Variants in WAPL observed in about 807,000 individuals in gnomAD.
WAPL encodes wings apart-like protein homolog.
Under a neutral mutation model 121.0 loss-of-function variants are expected in WAPL, and 5 were observed. The ratio of observed to expected loss-of-function variants is 0.04; its 90% CI spans 0.02 to 0.09. The LOEUF is 0.09. WAPL is among the 10% of genes least tolerant of loss of function. The pLI is 1.00. For synonymous variants in WAPL, 480 were observed against 481.5 expected, an observed-to-expected ratio of 1.00 and a Z score of 0.04; for missense variants, 999 against 1,410.8, an observed-to-expected ratio of 0.71 and a Z score of 4.68.
chr10:86,482,752 A>G (rs2132204316), intron 4 of WAPL, among the ~76,000 whole-genome samples: 1 of 152,322 alleles, frequency 6.6e-6, no homozygotes, highest in South Asian at 2.1e-4. Flanking sequence ...ACCATTTGGG[A>G]AAAAGTAGGG....
intron 4 of WAPL, among the ~76,000 whole-genome samples, chr10:86,483,794 C>CTTTTTT (rs35725128): frequency 2.9e-5 from 2 of 69,176 alleles, no homozygotes; most frequent in African/African-American, 1.2e-4. Flanking sequence ...ATTTTTTTTT[C>CTTTTTT]TTTTTTTTTT....
chr10:86,509,110 A>ACT (rs954070859), intron 2 of WAPL, among the ~76,000 whole-genome samples: 34 of 152,304 alleles, frequency 2.2e-4, no homozygotes, highest in Admixed American at 2.1e-3. Context: ...AATGACTTCA[A>ACT]CTAATCCTTT....
At chr10:86,505,604 G>C (rs972337371) in intron 2 of WAPL, among the ~76,000 whole-genome samples, 1 of 151,828 alleles carries the variant, frequency 6.6e-6, no homozygotes, top group Non-Finnish European at 1.5e-5. Context: ...TTAAAAATTT[G>C]AATTTAAATG....
chr10:86,489,969 C>CT (rs1384947007), intron 4 of WAPL, among the ~76,000 whole-genome samples: 5 of 150,762 alleles, frequency 3.3e-5, no homozygotes, highest in Admixed American at 1.3e-4. Flanking sequence ...AACTTTGGTA[C>CT]TTTGGGAGGC....
chr10:86,463,252 C>CTGCA (rs1841329698), intron 9 of WAPL, among the ~76,000 whole-genome samples: 1 of 152,210 alleles, frequency 6.6e-6, no homozygotes, highest in Non-Finnish European at 1.5e-5. Flanking sequence ...GATCGTGCTA[C>CTGCA]TGCACTCCAG....
intron 1 of WAPL, among the ~76,000 whole-genome samples, chr10:86,521,100 A>G (rs1479845190): frequency 6.6e-6 from 1 of 152,242 alleles, no homozygotes; most frequent in Admixed American, 6.5e-5. Flanking sequence ...GAGGCGGATG[A>G]AACCACGGGA....
At chr10:86,461,393 C>T (rs888907903) in intron 9 of WAPL, 106 bp from the exon 10 acceptor site, 43 of 760,484 alleles carry the variant, frequency 5.7e-5, no homozygotes, top group Non-Finnish European at 1.3e-5. Context: ...TTTAACACCA[C>T]TTTTATACAT....
intron 4 of WAPL, among the ~76,000 whole-genome samples, chr10:86,477,749 C>T (rs575060734): frequency 6.6e-6 from 1 of 152,082 alleles, no homozygotes; most frequent in Non-Finnish European, 1.5e-5. Flanking sequence ...TGCAGTGAGC[C>T]AAGATTGCAC....
intron 4 of WAPL, 34 bp from the exon 5 acceptor site, chr10:86,474,007 T>C: frequency 6.5e-7 from 1 of 1,546,524 alleles, no homozygotes; most frequent in Non-Finnish European, 8.9e-7. Flanking sequence ...ACTGCTTCCA[T>C]CCTTATAAAA....
rs374057910 is a variant in WAPL at position 86,437,516 on chromosome 10, C to T, written c.*27G>A. 3.9e-5 allele frequency: 62 copies of T among 1,609,594 alleles called. 1 individual carries two copies. In the Middle Eastern group the frequency reaches 8.3e-4, roughly 21 times the overall value. On this transcript the variant is annotated 3_prime_UTR_variant, in exon 19 of 19. Transcript: ENST00000298767. ...TGTCTAAGGATAGCTCCAGCATTAC[C>T]GAGCACCTGAAGCAAAGGTAAAGCA... is the stretch of plus-strand genomic sequence containing the variant.
rs1564573191 is a variant in WAPL at position 86,473,859 on chromosome 10, A to AT, written c.1740+18dup. The AT allele has an allele frequency of 6.4e-7, 1 of 1,573,290 alleles. No homozygotes were observed. Among genetic ancestry groups the AT allele is most frequent in the Non-Finnish European group, 8.7e-7 (1 of 1,144,144 alleles). ...TAGCTTATTAAAAAACACAAAATAA[A>AT]TAAGTACAGTTCACTTACTGTGACA... On this transcript the variant is annotated intron_variant, in intron 5 of 18. Coordinates refer to ENST00000298767, the MANE Select transcript of WAPL (RefSeq NM_015045.5).
In WAPL at chr10:86,443,374, T is replaced by G; in HGVS notation, c.3323-11A>C. On this transcript the variant is annotated splice_polypyrimidine_tract_variant and intron_variant, in intron 16 of 18. Transcript: ENST00000298767. ...CGGCATGCTGAAGGGCTGAGAGAAT[T>G]GAAGTAAAGAATTGTAACAGTATAT... 1 of 1,613,150 alleles carries G rather than the reference T, an allele frequency of 6.2e-7. No homozygotes were observed.
chr10:86,459,080 T>A lies in WAPL; in HGVS notation c.2581-15A>T, dbSNP rs369292199. On this transcript the variant is annotated splice_polypyrimidine_tract_variant and intron_variant, in intron 11 of 18. Coordinates refer to ENST00000298767, the MANE Select transcript of WAPL (RefSeq NM_015045.5). ...TGCACAGTTACCTAAAAAGGAAGAA[T>A]ATGAAATAATTGTGGCAATCCAAAA... The A allele has an allele frequency of 2.8e-5, 44 of 1,594,736 alleles. No individual in the cohort carries two copies. The highest frequency in any genetic ancestry group is 1.7e-4 in the Middle Eastern group (1 of 6,014).
chr10:86,518,171 A>AAGAATCCCTAGGT, intron 1 of WAPL, 80 bp from the exon 2 acceptor site: 1 of 1,367,706 alleles, frequency 7.3e-7, no homozygotes, highest in Non-Finnish European at 9.7e-7. Flanking sequence ...AAACCTAGGG[A>AAGAATCCCTAGGT]TTCTTCCCTC....
In WAPL at chr10:86,471,996, A is replaced by G. The variant is rs575681784; in HGVS notation, c.2030+212T>C. Among the ~76,000 whole-genome samples, 20 of 151,708 alleles carry G rather than the reference A, an allele frequency of 1.3e-4. No individual in the cohort carries two copies. The East Asian group carries it at 3.9e-3, about 29-fold the overall frequency. ...GCTCTTGAAAACTGAAGCCTATGCT[A>G]TATTAAAAAGGCTCTCATCACCCAG... is the stretch of plus-strand genomic sequence containing the variant. On this transcript the variant is annotated intron_variant, in intron 7 of 18. Coordinates refer to ENST00000298767, the MANE Select transcript of WAPL (RefSeq NM_015045.5).
At chr10:86,508,596 T>C (rs548968068) in intron 2 of WAPL, among the ~76,000 whole-genome samples, 1 of 152,302 alleles carries the variant, frequency 6.6e-6, no homozygotes, top group South Asian at 2.1e-4. Context: ...CTTAAGTTGA[T>C]GGCAGCAGCA....
rs1849329324 is a variant in WAPL at position 86,436,623 on chromosome 10, T to C, written c.*920A>G. The C allele has an allele frequency of 6.5e-6, 1 of 152,692 alleles. No homozygotes were observed. The highest frequency in any genetic ancestry group is 2.4e-5 in the African/African-American group (1 of 41,466). The allele number at this position is 152,692 out of a possible 1,614,324, so 9.5% of individuals were successfully genotyped here. A position where few individuals can be genotyped will look rare whatever the true frequency, so the allele number is the denominator to read the frequency against. ...TATACATGTTATCTGGAAACAGGAA[T>C]TCCACATTGGTGTTTTAGCTTCCTT... On this transcript the variant is annotated 3_prime_UTR_variant, in exon 19 of 19. Coordinates refer to ENST00000298767, the MANE Select transcript of WAPL (RefSeq NM_015045.5).
chr10:86,499,701 A>G lies in WAPL; in HGVS notation c.1525+17T>C. The G allele has an allele frequency of 6.5e-7, 1 of 1,536,168 alleles. No homozygotes were observed. The highest frequency in any genetic ancestry group is 8.7e-7 in the Non-Finnish European group (1 of 1,148,752). On this transcript the variant is annotated intron_variant, in intron 3 of 18. Transcript: ENST00000298767. The stretch of plus-strand genomic sequence containing the variant: ...GGGAACTATTGTACTTATTATACAT[A>G]TTTTTTAAATTCTTACCTGCATTGT...
At chr10:86,470,289 C>T (rs1467158772) in intron 8 of WAPL, among the ~76,000 whole-genome samples, 1 of 152,164 alleles carries the variant, frequency 6.6e-6, no homozygotes, top group East Asian at 1.9e-4. Flanking sequence ...CCACTTTGGC[C>T]TCCCAAAGTG....
Sources: gnomAD v4.1 joint callset for allele counts (sites outside exome capture counted in the v4.1 genomes callset) on GRCh38, gnomAD v4.1.1 for gene constraint, MANE v1.5 for transcripts, NCBI Gene and HGNC (gene_info 2026-07-23, HGNC 2026-07-21) for gene names.